REV3L: variants seen among roughly 807,000 people sequenced by gnomAD.
REV3L encodes REV3 like, DNA directed polymerase zeta catalytic subunit, also known as DNA polymerase zeta catalytic subunit.
REV3L carries 69 observed loss-of-function variants against 299.4 expected under a neutral mutation model. The observed-to-expected ratio is 0.23, with a 90% confidence interval of 0.19 to 0.28. The LOEUF (loss-of-function observed/expected upper bound fraction) is 0.28. Among genes scored for constraint, REV3L ranks in the 10% least tolerant of loss-of-function variants. The pLI is 1.00. For synonymous variants in REV3L, 1,238 were observed against 1,271.4 expected, an observed-to-expected ratio of 0.97 and a Z score of 0.56; for missense variants, 3,128 against 3,693.8, an observed-to-expected ratio of 0.85 and a Z score of 3.97.
At chr6:111,396,041 T>A (rs1333504377) in intron 4 of REV3L, among the ~76,000 whole-genome samples, 1 of 152,160 alleles carries the variant, frequency 6.6e-6, no homozygotes, top group Admixed American at 6.5e-5. Flanking sequence ...ATAAGTTTTT[T>A]TTTGAGACAG....
At chr6:111,429,532 G>C (rs1217842884) in intron 1 of REV3L, among the ~76,000 whole-genome samples, 1 of 121,968 alleles carries the variant, frequency 8.2e-6, no homozygotes. Flanking sequence ...CAATCCATTT[G>C]TAACTCTGTT....
upstream of REV3L, chr6:111,483,563 T>C (rs769434655): frequency 2.1e-6 from 1 of 480,358 alleles, no homozygotes; most frequent in East Asian, 6.6e-5. Flanking sequence ...TTGGCGGCTA[T>C]GCAGGATTGG....
intron 4 of REV3L, among the ~76,000 whole-genome samples, chr6:111,402,798 AT>A (rs773279270): frequency 1.3e-5 from 2 of 152,342 alleles, no homozygotes; most frequent in Non-Finnish European, 2.9e-5. Context: ...TAGAAAGGAT[AT>A]TAGGACTGGA....
intron 30 of REV3L, chr6:111,309,284 T>C (rs144375838): frequency 6.6e-6 from 1 of 152,206 alleles, no homozygotes; most frequent in Non-Finnish European, 1.5e-5. Context: ...CAACGTTTTA[T>C]TGAGTGGAAG....
chr6:111,428,991 A>T (rs779416788), intron 1 of REV3L, among the ~76,000 whole-genome samples: 1 of 152,216 alleles, frequency 6.6e-6, no homozygotes, highest in Non-Finnish European at 1.5e-5. Flanking sequence ...AAGAGAAAAG[A>T]AGTAAATGAT....
intron 1 of REV3L, chr6:111,430,304 C>T: frequency 6.4e-6 from 7 of 1,091,210 alleles, no homozygotes; most frequent in Non-Finnish European, 9.9e-6. Context: ...CTTTCATTTC[C>T]TGTGACTGAT....
chr6:111,365,172 T>C (rs1366115546), intron 15 of REV3L, 93 bp downstream of exon 15: 1 of 845,248 alleles, frequency 1.2e-6, no homozygotes, highest in African/African-American at 1.8e-5. Context: ...AACCAAAATT[T>C]TTTAATTGAG....
chr6:111,354,275 A>C (rs1777872225), intron 18 of REV3L: 1 of 152,154 alleles, frequency 6.6e-6, no homozygotes, highest in African/African-American at 2.4e-5. Flanking sequence ...TTATTGCAAG[A>C]CTTATTCCAG....
At chr6:111,319,412 G>C (rs1001727376) in intron 26 of REV3L, among the ~76,000 whole-genome samples, 1 of 152,002 alleles carries the variant, frequency 6.6e-6, no homozygotes, top group Non-Finnish European at 1.5e-5. Context: ...AGTGAGCTGA[G>C]ATTGCGCCAC....
Position 111,351,788 on chromosome 6 carries a change from A to G in REV3L, c.7188T>C (p.Tyr2396=), listed in dbSNP as rs748426117. The G allele has an allele frequency of 6.9e-6, 11 of 1,600,518 alleles. No individual in the cohort carries two copies. The African/African-American group carries it at 1.3e-4, about 20-fold the overall frequency. ...CATATCCTAGCAGAATATCAGGATC[A>G]TACCTAAAAAAGGAATTTAAAAAAG... ...FHEIANIIKR[Y]DPDILLGYEI... The change falls in exon 19 of 32, where the codon TAT becomes TAC. Residue 2396 remains tyrosine, a synonymous_variant. Coordinates refer to ENST00000368802, the MANE Select transcript of REV3L (RefSeq NM_001372078.1).
At chr6:111,403,430 A>G (rs1783294261) in intron 4 of REV3L, among the ~76,000 whole-genome samples, 1 of 152,222 alleles carries the variant, frequency 6.6e-6, no homozygotes, top group Admixed American at 6.5e-5. Flanking sequence ...GCATTGAGCA[A>G]ATCTATTGGT....
intron 9 of REV3L, among the ~76,000 whole-genome samples, chr6:111,385,141 G>A (rs1050434615): frequency 6.6e-6 from 1 of 151,836 alleles, no homozygotes; most frequent in Non-Finnish European, 1.5e-5. Flanking sequence ...AAGTGGGGAT[G>A]GTTAATGAGT....
intron 21 of REV3L, among the ~76,000 whole-genome samples, chr6:111,335,894 CTCTAT>C (rs1265404380): frequency 6.6e-6 from 1 of 151,830 alleles, no homozygotes; most frequent in Non-Finnish European, 1.5e-5. Flanking sequence ...CTTGATGTTG[CTCTAT>C]TCTTTTTTTT....
intron 1 of REV3L, among the ~76,000 whole-genome samples, chr6:111,481,880 CCTT>C (rs1381002714): frequency 6.6e-6 from 1 of 152,152 alleles, no homozygotes; most frequent in African/African-American, 2.4e-5. Context: ...CCTTCCCATC[CCTT>C]CTTCAACATA....
intron 21 of REV3L, among the ~76,000 whole-genome samples, chr6:111,337,062 G>A (rs1562142537): frequency 6.6e-6 from 1 of 151,720 alleles, no homozygotes. Flanking sequence ...TCTAAGGCAA[G>A]AGGTAGAGGG....
At position 111,373,758 on chromosome 6, in the gene REV3L, A is replaced by G. The variant is rs1464884695; in HGVS notation, c.4597T>C (p.Leu1533=). 1.2e-6 allele frequency: 2 copies of G among 1,613,932 alleles called. No homozygotes were observed. The highest frequency in any genetic ancestry group is 2.2e-5 in the East Asian group (1 of 44,882). ...GQSGLAVLKE[L]LQKRQQKAQN... The stretch of plus-strand genomic sequence containing the variant: ...GCTTTCTGCTGTCTTTTTTGTAACA[A>G]TTCTTTTAGAACTGCCAGTCCAGAC... Residue 1533 remains leucine, a synonymous_variant, in exon 13 of 32, where the codon TTG becomes CTG. Coordinates refer to ENST00000368802, the MANE Select transcript of REV3L (RefSeq NM_001372078.1).
At chr6:111,422,670 AT>A (rs1785668827) in intron 1 of REV3L, among the ~76,000 whole-genome samples, 2 of 53,898 alleles carry the variant, frequency 3.7e-5, no homozygotes, top group Non-Finnish European at 5.3e-5. Flanking sequence ...ATACATATAT[AT>A]ATATATACGT....
chr6:111,421,776 A>G (rs996697134), intron 1 of REV3L, among the ~76,000 whole-genome samples: 2 of 152,216 alleles, frequency 1.3e-5, no homozygotes, highest in Non-Finnish European at 2.9e-5. Context: ...ACAGAGCTAT[A>G]AAACAGAAAA....
At chr6:111,447,688 G>A (rs947911863) in intron 1 of REV3L, among the ~76,000 whole-genome samples, 17 of 152,108 alleles carry the variant, frequency 1.1e-4, no homozygotes, top group Non-Finnish European at 1.5e-5. Context: ...CGATGTGAGG[G>A]GCAGTGATCC....
Sources: gnomAD v4.1 joint callset for allele counts (sites outside exome capture counted in the v4.1 genomes callset) on GRCh38, gnomAD v4.1.1 for gene constraint, MANE v1.5 for transcripts, NCBI Gene and HGNC (gene_info 2026-07-23, HGNC 2026-07-21) for gene names.